The following CSTPP1 variants were observed in gnomAD, a reference collection of about 807,000 sequenced individuals.
CSTPP1 encodes the protein centriolar satellite-associated tubulin polyglutamylase complex regulator 1, also known as UPF0705 protein C11orf49.
the CSTPP1 span, among the ~76,000 whole-genome samples, chr11:47,135,976 ACT>A: frequency 3.0e-4 from 44 of 144,394 alleles, no homozygotes; most frequent in South Asian, 8.8e-4. Flanking sequence ...TAATTAAGTA[ACT>A]CTCTCTCTCT....
the CSTPP1 span, among the ~76,000 whole-genome samples, chr11:46,986,307 C>T: frequency 4.6e-5 from 7 of 152,074 alleles, no homozygotes; most frequent in Non-Finnish European, 8.8e-5. Flanking sequence ...ATGCAGAAAA[C>T]ATGACATCTA....
the CSTPP1 span, among the ~76,000 whole-genome samples, chr11:47,150,355 T>C: frequency 1.3e-5 from 2 of 152,154 alleles, no homozygotes; most frequent in Non-Finnish European, 2.9e-5. Flanking sequence ...GTGGCTTCTC[T>C]CACTCATTTG....
At chr11:47,094,698 G>A in the CSTPP1 span, among the ~76,000 whole-genome samples, 76 of 152,232 alleles carry the variant, frequency 5.0e-4, no homozygotes, top group African/African-American at 1.7e-3. Flanking sequence ...CATTAGTCAC[G>A]TTTCAAAGTG....
the CSTPP1 span, among the ~76,000 whole-genome samples, chr11:47,140,914 C>G: frequency 6.6e-6 from 1 of 151,842 alleles, no homozygotes; most frequent in East Asian, 2.0e-4. Context: ...TCCTGGCTAT[C>G]ATGGTGAAAC....
At chr11:46,968,755 C>G in the CSTPP1 span, among the ~76,000 whole-genome samples, 6 of 151,676 alleles carry the variant, frequency 4.0e-5, no homozygotes, top group African/African-American at 1.5e-4. Flanking sequence ...AAAAATTAGC[C>G]GGGTGTGATG....
chr11:47,164,235 T>C, the CSTPP1 span: 1 of 1,612,962 alleles, frequency 6.2e-7, no homozygotes, highest in Non-Finnish European at 8.5e-7. Flanking sequence ...CCATTACCGG[T>C]GGGAGCCCAG....
At chr11:47,139,615 A>G in the CSTPP1 span, among the ~76,000 whole-genome samples, 1 of 151,722 alleles carries the variant, frequency 6.6e-6, no homozygotes, top group East Asian at 1.9e-4. Flanking sequence ...CAGAGGTTGC[A>G]GTGAGCCGAT....
chr11:47,008,472 T>C, the CSTPP1 span, among the ~76,000 whole-genome samples: 1 of 152,166 alleles, frequency 6.6e-6, no homozygotes, highest in African/African-American at 2.4e-5. Context: ...ATGACAGTAA[T>C]GTTATATGAA....
the CSTPP1 span, among the ~76,000 whole-genome samples, chr11:47,064,933 G>C: frequency 3.3e-5 from 5 of 152,134 alleles, no homozygotes; most frequent in Non-Finnish European, 5.9e-5. Flanking sequence ...TAGTAGAGAC[G>C]GGGTTTCATC....
chr11:47,096,725 T>G, the CSTPP1 span, among the ~76,000 whole-genome samples: 1 of 152,084 alleles, frequency 6.6e-6, no homozygotes, highest in Non-Finnish European at 1.5e-5. Context: ...AATCTGATTT[T>G]CTCATGAAAA....
At chr11:46,937,470 T>C in the CSTPP1 span, among the ~76,000 whole-genome samples, 1 of 152,168 alleles carries the variant, frequency 6.6e-6, no homozygotes, top group Non-Finnish European at 1.5e-5. Flanking sequence ...ATGTAGTACT[T>C]TGTTGAGCAT....
the CSTPP1 span, among the ~76,000 whole-genome samples, chr11:47,091,524 T>C: frequency 6.6e-6 from 1 of 152,216 alleles, no homozygotes; most frequent in Admixed American, 6.5e-5. Context: ...GAAGGAATGA[T>C]GTTATTATAC....
At chr11:47,067,411 C>A in the CSTPP1 span, among the ~76,000 whole-genome samples, 6 of 152,034 alleles carry the variant, frequency 3.9e-5, no homozygotes, top group East Asian at 5.8e-4. Context: ...CTGTGTCTGC[C>A]CCCCCCAAAT....
At chr11:47,157,610 C>T in the CSTPP1 span, among the ~76,000 whole-genome samples, 1,179 of 152,128 alleles carry the variant, frequency 7.8e-3, 7 homozygotes, top group Non-Finnish European at 0.01. Context: ...TTTCCCACCC[C>T]CACTCCCCAC....
the CSTPP1 span, among the ~76,000 whole-genome samples, chr11:47,066,708 T>C: frequency 6.6e-6 from 1 of 152,362 alleles, no homozygotes. Flanking sequence ...TGTTTTTTAA[T>C]TCATGGTCGG....
chr11:47,001,585 G>A, the CSTPP1 span, among the ~76,000 whole-genome samples: 1 of 151,334 alleles, frequency 6.6e-6, no homozygotes. Flanking sequence ...TGTTACATAG[G>A]TAATAGTGCA....
At chr11:46,948,418 G>T in the CSTPP1 span, among the ~76,000 whole-genome samples, 1 of 152,192 alleles carries the variant, frequency 6.6e-6, no homozygotes, top group African/African-American at 2.4e-5. Context: ...GATTATAATT[G>T]TGTATATAGC....
At chr11:47,058,227 C>T in the CSTPP1 span, among the ~76,000 whole-genome samples, 1 of 152,122 alleles carries the variant, frequency 6.6e-6, no homozygotes, top group Non-Finnish European at 1.5e-5. Context: ...ACTCTAATGG[C>T]TGAGGCGGGA....
the CSTPP1 span, among the ~76,000 whole-genome samples, chr11:46,986,814 A>T: frequency 6.6e-6 from 1 of 152,190 alleles, no homozygotes; most frequent in African/African-American, 2.4e-5. Context: ...GCATGGAATT[A>T]CTAACTCCCT....
Sources: gnomAD v4.1 joint callset for allele counts (sites outside exome capture counted in the v4.1 genomes callset) on GRCh38, gnomAD v4.1.1 for gene constraint, MANE v1.5 for transcripts, NCBI Gene and HGNC (gene_info 2026-07-23, HGNC 2026-07-21) for gene names.